The following FHIT variants were observed in gnomAD, a reference collection of about 807,000 sequenced individuals.
FHIT encodes the protein bis(5'-adenosyl)-triphosphatase.
Under a neutral mutation model 17.9 loss-of-function variants are expected in FHIT, and 19 were observed. The observed-to-expected ratio is 1.06, with a 90% CI of 0.74 to 1.56. FHIT has a LOEUF of 1.56. Ranked by LOEUF, FHIT falls within the 40% of genes most tolerant of loss-of-function variation. FHIT has a pLI of 0.00. For synonymous variants in FHIT, 81 were observed against 69.7 expected, an observed-to-expected ratio of 1.16 and a Z score of -0.81; for missense variants, 248 against 189.2, an observed-to-expected ratio of 1.31 and a Z score of -1.82.
intron 5 of FHIT, among the ~76,000 whole-genome samples, chr3:60,044,336 T>G (rs2106847494): frequency 6.6e-6 from 1 of 152,350 alleles, no homozygotes; most frequent in Non-Finnish European, 1.5e-5. Flanking sequence ...TAGAAAGTTG[T>G]GAGGCAACGT....
chr3:60,709,467 A>G (rs1279502921), intron 4 of FHIT, among the ~76,000 whole-genome samples: 4 of 152,200 alleles, frequency 2.6e-5, no homozygotes, highest in Admixed American at 2.6e-4. Context: ...TTTAAAAGTT[A>G]CTTGCAGAGT....
At chr3:59,813,631 G>A (rs1213097681) in intron 8 of FHIT, among the ~76,000 whole-genome samples, 2 of 152,114 alleles carry the variant, frequency 1.3e-5, no homozygotes, top group Non-Finnish European at 2.9e-5. Flanking sequence ...AATTTAACAC[G>A]AGGCAAGATT....
chr3:60,434,449 G>C (rs1052670454), intron 5 of FHIT, among the ~76,000 whole-genome samples: 1 of 152,016 alleles, frequency 6.6e-6, no homozygotes, highest in Non-Finnish European at 1.5e-5. Context: ...AGGGATGGCA[G>C]GGTTGCATAG....
rs145267364 is a variant in FHIT at position 60,235,897 on chromosome 3, G to A, written c.104-221745C>T. On this transcript the variant is annotated intron_variant, in intron 5 of 9. Transcript: ENST00000492590. ...AAAAATAAAGGTCAGTTTATCACTA[G>A]AGCGTTCAATTGGCTCCAGGGTTCA... is the stretch of plus-strand genomic sequence containing the variant. 1.1e-3 allele frequency among the ~76,000 whole-genome samples: 173 copies of A among 152,230 alleles called. 1 individual carries two copies. The highest frequency in any genetic ancestry group is 4.1e-3 in the African/African-American group (169 of 41,540).
chr3:60,028,726 C>T (rs559814460), intron 5 of FHIT, among the ~76,000 whole-genome samples: 18 of 152,096 alleles, frequency 1.2e-4, no homozygotes, highest in African/African-American at 1.7e-4. Flanking sequence ...ATGCCAATTG[C>T]GCTGATGTTC....
intron 5 of FHIT, among the ~76,000 whole-genome samples, chr3:60,507,714 G>A (rs564953610): frequency 6.6e-6 from 1 of 151,894 alleles, no homozygotes; most frequent in African/African-American, 2.4e-5. Context: ...TTGTTTCCTC[G>A]GCCCATATGT....
At chr3:60,936,091 G>A (rs1708181430) in intron 3 of FHIT, among the ~76,000 whole-genome samples, 1 of 152,142 alleles carries the variant, frequency 6.6e-6, no homozygotes, top group Non-Finnish European at 1.5e-5. Context: ...CTCACCTCCT[G>A]ATTAATAGTC....
At chr3:60,498,340 G>C (rs2034387484) in intron 5 of FHIT, among the ~76,000 whole-genome samples, 1 of 152,022 alleles carries the variant, frequency 6.6e-6, no homozygotes, top group Admixed American at 6.6e-5. Context: ...TACATTTATA[G>C]CATACTAACT....
At chr3:60,524,275 T>TA (rs2035491344) in intron 5 of FHIT, among the ~76,000 whole-genome samples, 1 of 151,048 alleles carries the variant, frequency 6.6e-6, no homozygotes, top group African/African-American at 2.4e-5. Flanking sequence ...ATTTAGTGTA[T>TA]AAACACTACA....
At chr3:60,809,559 C>T (rs1701506732) in intron 4 of FHIT, among the ~76,000 whole-genome samples, 1 of 152,154 alleles carries the variant, frequency 6.6e-6, no homozygotes, top group Non-Finnish European at 1.5e-5. Flanking sequence ...TTTCACTGAA[C>T]CCCACTTATA....
At chr3:60,576,100 G>T (rs74362662) in intron 4 of FHIT, among the ~76,000 whole-genome samples, 12 of 152,036 alleles carry the variant, frequency 7.9e-5, no homozygotes, top group Admixed American at 7.9e-4. Flanking sequence ...TCCAGGAGAC[G>T]CAAGACAGAG....
chr3:60,481,175 T>C (rs1039572027), intron 5 of FHIT, among the ~76,000 whole-genome samples: 1 of 152,002 alleles, frequency 6.6e-6, no homozygotes, highest in Non-Finnish European at 1.5e-5. Context: ...TGGGACTTCA[T>C]AAAAAGACTG....
intron 5 of FHIT, among the ~76,000 whole-genome samples, chr3:60,336,231 A>C (rs935904564): frequency 6.6e-6 from 1 of 152,232 alleles, no homozygotes; most frequent in African/African-American, 2.4e-5. Context: ...ACTTCTCTCT[A>C]ATATGGCAAA....
chr3:60,632,980 G>A (rs1302309685), intron 4 of FHIT, among the ~76,000 whole-genome samples: 4 of 152,164 alleles, frequency 2.6e-5, no homozygotes, highest in Non-Finnish European at 5.9e-5. Context: ...TATCTTGTGA[G>A]CAAAAGAGAA....
intron 4 of FHIT, among the ~76,000 whole-genome samples, chr3:60,568,186 A>T (rs1232413588): frequency 6.6e-6 from 1 of 152,212 alleles, no homozygotes; most frequent in South Asian, 2.1e-4. Context: ...TACTCACAAT[A>T]GCAAAGACTT....
intron 5 of FHIT, among the ~76,000 whole-genome samples, chr3:60,404,966 A>G (rs1455250108): frequency 1.3e-5 from 2 of 152,208 alleles, no homozygotes; most frequent in African/African-American, 2.4e-5. Flanking sequence ...CAGAAATCCT[A>G]TAATATATTT....
chr3:60,823,300 C>A (rs2106778063), intron 3 of FHIT, among the ~76,000 whole-genome samples: 1 of 152,206 alleles, frequency 6.6e-6, no homozygotes, highest in Admixed American at 6.5e-5. Context: ...TTCTGTTCCC[C>A]CAACCCCTCC....
At chr3:60,822,188 T>C (rs532653466) in intron 3 of FHIT, among the ~76,000 whole-genome samples, 177 bp from the exon 4 acceptor site, 2 of 152,308 alleles carry the variant, frequency 1.3e-5, no homozygotes, top group South Asian at 4.1e-4. Context: ...AATCTGTACA[T>C]TGGAGACTGT....
At chr3:59,799,259 A>C (rs1387635581) in intron 8 of FHIT, among the ~76,000 whole-genome samples, 2 of 151,994 alleles carry the variant, frequency 1.3e-5, no homozygotes, top group Non-Finnish European at 2.9e-5. Context: ...AGTGGGAGGC[A>C]CAGTAAAAAT....
Sources: allele counts gnomAD v4.1 joint callset (sites outside exome capture counted in the v4.1 genomes callset), GRCh38; gene constraint gnomAD v4.1.1; transcripts MANE v1.5; gene names NCBI Gene and HGNC (gene_info 2026-07-23, HGNC 2026-07-21).